The following DCC variants were observed in gnomAD, a reference collection of about 807,000 sequenced individuals.
The protein encoded by DCC is DCC netrin 1 receptor.
Under a neutral mutation model 172.5 loss-of-function variants are expected in DCC, and 58 were observed. The observed-to-expected ratio is 0.34, with a 90% CI of 0.27 to 0.42. The LOEUF is 0.42. Ranked by LOEUF, DCC falls within the 10% of genes least tolerant of loss-of-function variation. DCC has a pLI of 1.00. For synonymous variants in DCC, 709 were observed against 644.5 expected (o/e 1.10, Z -1.52); for missense variants, 1,740 against 1,791.0 (o/e 0.97, Z 0.51).
intron 12 of DCC, among the ~76,000 whole-genome samples, chr18:53,229,270 T>G (rs2056086562): frequency 6.6e-6 from 1 of 152,174 alleles, no homozygotes; most frequent in Non-Finnish European, 1.5e-5. Context: ...ATTGGTCTCC[T>G]TGGGATGAGG....
At chr18:52,827,781 A>G (rs556437600) in intron 2 of DCC, among the ~76,000 whole-genome samples, 68 of 152,244 alleles carry the variant, frequency 4.5e-4, no homozygotes, top group African/African-American at 1.5e-3. Flanking sequence ...TTTAAAATGT[A>G]TGTATTCCCC....
At chr18:52,883,348 T>TGTGTG (rs2039518470) in intron 2 of DCC, among the ~76,000 whole-genome samples, 1 of 106,228 alleles carries the variant, frequency 9.4e-6, no homozygotes, top group African/African-American at 3.5e-5. Context: ...ATTTATTTAT[T>TGTGTG]TATGTGTGTG....
intron 2 of DCC, among the ~76,000 whole-genome samples, chr18:52,773,506 A>G (rs376112261): frequency 1.3e-5 from 1 of 74,106 alleles, no homozygotes; most frequent in African/African-American, 3.3e-5. Flanking sequence ...ATCTCTATAT[A>G]TCTATATCTA....
intron 1 of DCC, among the ~76,000 whole-genome samples, chr18:52,699,211 T>C (rs1172258746): frequency 1.3e-5 from 2 of 152,100 alleles, no homozygotes; most frequent in Admixed American, 1.3e-4. Flanking sequence ...GTGCAAGATT[T>C]ACAGGCTAAC....
chr18:53,095,398 T>C (rs558869435), intron 7 of DCC, among the ~76,000 whole-genome samples: 43 of 152,344 alleles, frequency 2.8e-4, no homozygotes, highest in African/African-American at 1.0e-3. Context: ...AATAGTGTGT[T>C]TGACTTGCTC....
At chr18:53,376,129 T>C (rs1907267911) in intron 15 of DCC, among the ~76,000 whole-genome samples, 1 of 152,152 alleles carries the variant, frequency 6.6e-6, no homozygotes, top group Non-Finnish European at 1.5e-5. Context: ...CGGTGACGTG[T>C]GGCTGTAATC....
chr18:52,981,990 T>C (rs1282273590), intron 5 of DCC, among the ~76,000 whole-genome samples: 1 of 151,928 alleles, frequency 6.6e-6, no homozygotes, highest in African/African-American at 2.4e-5. Context: ...GAGTTAGAGA[T>C]GGGAAATTTT....
At chr18:53,357,735 T>A (rs1286804115) in intron 15 of DCC, among the ~76,000 whole-genome samples, 2 of 152,148 alleles carry the variant, frequency 1.3e-5, no homozygotes, top group African/African-American at 4.8e-5. Context: ...GAGGGTAGAT[T>A]TATTCCCTGC....
chr18:52,838,083 C>G (rs532430234), intron 2 of DCC, among the ~76,000 whole-genome samples: 101 of 152,306 alleles, frequency 6.6e-4, no homozygotes, highest in African/African-American at 2.3e-3. Context: ...TGGCTCCTCA[C>G]ATGACACATG....
chr18:52,520,455 T>C (rs1203719986), intron 1 of DCC, among the ~76,000 whole-genome samples: 2 of 152,204 alleles, frequency 1.3e-5, no homozygotes, highest in Non-Finnish European at 2.9e-5. Context: ...TTTGGCTGTG[T>C]GGAAACCATT....
chr18:52,958,813 CTGCT>C (rs1160090006), intron 5 of DCC, among the ~76,000 whole-genome samples: 2 of 152,090 alleles, frequency 1.3e-5, no homozygotes, highest in African/African-American at 4.8e-5. Context: ...TGTGGATACT[CTGCT>C]TGAAGTGGCT....
intron 2 of DCC, among the ~76,000 whole-genome samples, chr18:52,801,963 AG>A (rs1351347358): frequency 5.9e-5 from 9 of 151,918 alleles, no homozygotes; most frequent in African/African-American, 2.2e-4. Context: ...AATCACCTCA[AG>A]GGTTTTAAGC....
chr18:52,625,899 T>G (rs2034564948), intron 1 of DCC, among the ~76,000 whole-genome samples: 1 of 152,180 alleles, frequency 6.6e-6, no homozygotes, highest in African/African-American at 2.4e-5. Flanking sequence ...TCTTTGGTGC[T>G]TCCCTCCTGT....
intron 1 of DCC, among the ~76,000 whole-genome samples, chr18:52,558,455 T>C (rs2032964033): frequency 6.6e-6 from 1 of 152,192 alleles, no homozygotes; most frequent in East Asian, 1.9e-4. Context: ...TATATTTTTC[T>C]TATTTATGGG....
intron 7 of DCC, among the ~76,000 whole-genome samples, chr18:53,119,284 T>C (rs2043449681): frequency 6.6e-6 from 1 of 151,780 alleles, no homozygotes; most frequent in Non-Finnish European, 1.5e-5. Flanking sequence ...CCTTATTTTA[T>C]CATCTTTGTT....
chr18:52,854,690 G>C (rs185915040), intron 2 of DCC, among the ~76,000 whole-genome samples: 1 of 152,124 alleles, frequency 6.6e-6, no homozygotes, highest in East Asian at 1.9e-4. Flanking sequence ...AAATAGAATC[G>C]CCTTGTAAGC....
intron 5 of DCC, among the ~76,000 whole-genome samples, chr18:53,035,260 C>G (rs1277237921): frequency 6.6e-6 from 1 of 151,784 alleles, no homozygotes; most frequent in Non-Finnish European, 1.5e-5. Flanking sequence ...GCCATACCAC[C>G]CGAAATGCAC....
intron 12 of DCC, among the ~76,000 whole-genome samples, chr18:53,290,366 T>C (rs1012944076): frequency 2.2e-4 from 33 of 152,210 alleles, no homozygotes; most frequent in African/African-American, 8.0e-4. Context: ...AACTCAAATA[T>C]TTTCCTTATT....
intron 3 of DCC, among the ~76,000 whole-genome samples, chr18:52,907,488 C>A (rs865781530): frequency 6.6e-6 from 1 of 152,042 alleles, no homozygotes; most frequent in Non-Finnish European, 1.5e-5. Flanking sequence ...GCGATCACAG[C>A]TCACTGCTGC....
Sources: gnomAD v4.1 joint callset for allele counts (sites outside exome capture counted in the v4.1 genomes callset) on GRCh38, gnomAD v4.1.1 for gene constraint, MANE v1.5 for transcripts, NCBI Gene and HGNC (gene_info 2026-07-23, HGNC 2026-07-21) for gene names.